Variants in CPNE4 observed in about 807,000 individuals in gnomAD.
CPNE4 encodes copine 4.
Under a neutral mutation model 67.9 loss-of-function variants are expected in CPNE4, and 25 were observed. The observed-to-expected ratio is 0.37, with a 90% CI of 0.27 to 0.51. CPNE4 has a LOEUF of 0.51. Ranked by LOEUF, CPNE4 falls within the 20% of genes least tolerant of loss-of-function variation. The pLI is 0.93. For missense variants in CPNE4, 464 were observed against 690.8 expected (o/e 0.67, Z 3.68); for synonymous variants, 242 against 244.9 (o/e 0.99, Z 0.11).
intron 1 of CPNE4, among the ~76,000 whole-genome samples, chr3:131,997,767 T>C (rs1285105087): frequency 6.6e-6 from 1 of 152,086 alleles, no homozygotes; most frequent in African/African-American, 2.4e-5. Context: ...AAAACTTAGA[T>C]TGATGGCAAC....
At chr3:131,709,343 A>T (rs2081502857) in intron 3 of CPNE4, among the ~76,000 whole-genome samples, 1 of 152,124 alleles carries the variant, frequency 6.6e-6, no homozygotes, top group Admixed American at 6.5e-5. Context: ...AGAGCCTGGG[A>T]TGCTGGTCCC....
chr3:131,881,175 G>A (rs779517516), intron 2 of CPNE4, among the ~76,000 whole-genome samples: 18 of 152,232 alleles, frequency 1.2e-4, no homozygotes, highest in African/African-American at 2.2e-4. Flanking sequence ...AAACCTGAAC[G>A]CTGTCCAAAA....
At chr3:131,735,459 C>A (rs1363788591) in intron 2 of CPNE4, among the ~76,000 whole-genome samples, 1 of 152,218 alleles carries the variant, frequency 6.6e-6, no homozygotes, top group African/African-American at 2.4e-5. Flanking sequence ...TTTGAGAACC[C>A]TTCCCACTGT....
At chr3:131,854,244 C>T (rs959347894) in intron 2 of CPNE4, among the ~76,000 whole-genome samples, 6 of 151,714 alleles carry the variant, frequency 4.0e-5, no homozygotes, top group African/African-American at 1.5e-4. Flanking sequence ...ATCTCTAAAA[C>T]ATAATGTTGA....
chr3:131,767,260 C>CGTGTGTGTGTGT (rs67444198), intron 2 of CPNE4, among the ~76,000 whole-genome samples: 7 of 150,242 alleles, frequency 4.7e-5, no homozygotes, highest in African/African-American at 1.7e-4. Flanking sequence ...TAAGTGTGAG[C>CGTGTGTGTGTGT]GTGTGTGTGT....
chr3:132,039,124 A>G, upstream of CPNE4, among the ~76,000 whole-genome samples: 1 of 152,248 alleles, frequency 6.6e-6, no homozygotes, highest in East Asian at 1.9e-4. Flanking sequence ...GATATAGAAC[A>G]TTTCTATCAT....
intron 7 of CPNE4, among the ~76,000 whole-genome samples, chr3:131,625,988 A>T (rs56400851): frequency 0.28 from 41,889 of 152,046 alleles, 9,523 homozygotes; most frequent in African/African-American, 0.63. Flanking sequence ...TCAGTGATCC[A>T]AATGTTACTA....
At chr3:131,682,562 C>T (rs1054164182) in intron 6 of CPNE4, among the ~76,000 whole-genome samples, 5 of 152,240 alleles carry the variant, frequency 3.3e-5, no homozygotes, top group African/African-American at 1.2e-4. Context: ...TGGCTGCCAC[C>T]ACTGGACTGC....
chr3:131,870,448 T>C (rs770285928), intron 2 of CPNE4, among the ~76,000 whole-genome samples: 28 of 152,134 alleles, frequency 1.8e-4, no homozygotes, highest in African/African-American at 4.8e-5. Context: ...AATGTGGTCA[T>C]TAAAAGACAA....
At chr3:131,684,418 A>G (rs1035506586) in intron 6 of CPNE4, among the ~76,000 whole-genome samples, 1 of 152,224 alleles carries the variant, frequency 6.6e-6, no homozygotes, top group African/African-American at 2.4e-5. Context: ...ATAGCATGCA[A>G]TAGACATACT....
intron 2 of CPNE4, among the ~76,000 whole-genome samples, chr3:131,891,189 C>T (rs1244109119): frequency 1.3e-4 from 20 of 151,928 alleles, no homozygotes; most frequent in Non-Finnish European, 1.3e-4. Flanking sequence ...TGTGGTGATA[C>T]CAGTATGAGT....
chr3:131,889,250 G>T (rs2088014563), intron 2 of CPNE4, among the ~76,000 whole-genome samples: 1 of 152,132 alleles, frequency 6.6e-6, no homozygotes, highest in South Asian at 2.1e-4. Flanking sequence ...AAGGTCACAT[G>T]GATAAGCCAA....
chr3:132,015,951 C>T (rs2073880628), intron 1 of CPNE4, among the ~76,000 whole-genome samples: 1 of 152,214 alleles, frequency 6.6e-6, no homozygotes, highest in Admixed American at 6.5e-5. Context: ...GATATTGAAA[C>T]TATATGATTT....
At chr3:131,956,799 A>G (rs1253480119) in intron 1 of CPNE4, among the ~76,000 whole-genome samples, 1 of 152,192 alleles carries the variant, frequency 6.6e-6, no homozygotes, top group African/African-American at 2.4e-5. Flanking sequence ...CAAGTGAGAC[A>G]TAGCAGTATA....
chr3:131,660,514 T>C (rs1175265709), intron 7 of CPNE4, among the ~76,000 whole-genome samples: 1 of 152,118 alleles, frequency 6.6e-6, no homozygotes, highest in Non-Finnish European at 1.5e-5. Flanking sequence ...AAGAATTGCT[T>C]TGGCCACATG....
intron 1 of CPNE4, among the ~76,000 whole-genome samples, chr3:132,000,628 A>G (rs2073408451): frequency 6.6e-6 from 1 of 151,880 alleles, no homozygotes; most frequent in African/African-American, 2.4e-5. Context: ...ATTCTCATTG[A>G]GAAGAAAATT....
chr3:131,717,893 T>G (rs879713659), intron 3 of CPNE4, among the ~76,000 whole-genome samples: 1 of 63,754 alleles, frequency 1.6e-5, no homozygotes, highest in African/African-American at 3.9e-5. Context: ...TTTCTTTCTT[T>G]CTTTCTTTCT....
At chr3:131,602,884 T>C (rs1939285577) in intron 7 of CPNE4, among the ~76,000 whole-genome samples, 2 of 152,146 alleles carry the variant, frequency 1.3e-5, no homozygotes, top group African/African-American at 4.8e-5. Context: ...ATTATGTGAA[T>C]TGCAAATATG....
intron 2 of CPNE4, among the ~76,000 whole-genome samples, chr3:131,863,436 G>A (rs541973408): frequency 2.0e-5 from 3 of 152,174 alleles, no homozygotes; most frequent in Admixed American, 6.5e-5. Context: ...CTATGGTTTC[G>A]ATTTGCATTT....
Sources: allele counts gnomAD v4.1 joint callset (sites outside exome capture counted in the v4.1 genomes callset), GRCh38; gene constraint gnomAD v4.1.1; transcripts MANE v1.5; gene names NCBI Gene and HGNC (gene_info 2026-07-23, HGNC 2026-07-21).